The following TGFBR3 variants were observed in gnomAD, a reference collection of about 807,000 sequenced individuals.
TGFBR3 encodes the protein transforming growth factor beta receptor 3.
TGFBR3 carries 46 observed loss-of-function variants against 87.9 expected under a neutral mutation model. That is an observed-to-expected ratio of 0.52 (90% CI 0.41 to 0.67). The LOEUF is 0.67. TGFBR3 is among the 30% of genes least tolerant of loss of function. The probability of loss-of-function intolerance (pLI) is 0.00; values close to 1 mark genes in which losing one functional copy is unlikely to be tolerated. For missense variants in TGFBR3, 866 were observed against 1,041.9 expected, an observed-to-expected ratio of 0.83 and a Z score of 2.32; for synonymous variants, 381 against 391.6, an observed-to-expected ratio of 0.97 and a Z score of 0.32.
chr1:91,855,462 CAT>C (rs1457694185), intron 2 of TGFBR3, among the ~76,000 whole-genome samples: 2 of 152,244 alleles, frequency 1.3e-5, no homozygotes, highest in African/African-American at 2.4e-5. Context: ...CTCCTGGAAA[CAT>C]AGCCCTGCCT....
At chr1:91,852,611 G>A (rs1677781821) in intron 2 of TGFBR3, among the ~76,000 whole-genome samples, 1 of 152,090 alleles carries the variant, frequency 6.6e-6, no homozygotes, top group African/African-American at 2.4e-5. Flanking sequence ...TTGTTGCCCA[G>A]GCTGGAGTGC....
At chr1:91,834,083 C>T (rs1455561479) in intron 2 of TGFBR3, among the ~76,000 whole-genome samples, 1 of 152,170 alleles carries the variant, frequency 6.6e-6, no homozygotes, top group Non-Finnish European at 1.5e-5. Context: ...ATTTTCACTA[C>T]ATTTTTTTCC....
chr1:91,736,016 C>G (rs1403644517), intron 4 of TGFBR3, among the ~76,000 whole-genome samples: 1 of 152,190 alleles, frequency 6.6e-6, no homozygotes, highest in African/African-American at 2.4e-5. Context: ...ATTAGTGGTT[C>G]TATCACAGCA....
At chr1:91,699,628 C>T (rs1184373163) in intron 14 of TGFBR3, among the ~76,000 whole-genome samples, 1 of 152,108 alleles carries the variant, frequency 6.6e-6, no homozygotes, top group Admixed American at 6.5e-5. Context: ...CGTTCATATG[C>T]AGTTTGCACC....
At chr1:91,713,776 ACTT>A (rs1341748960) in intron 12 of TGFBR3, among the ~76,000 whole-genome samples, 1 of 152,132 alleles carries the variant, frequency 6.6e-6, no homozygotes, top group Admixed American at 6.5e-5. Flanking sequence ...TTTTTGCAAT[ACTT>A]CTGAAAAACA....
intron 2 of TGFBR3, among the ~76,000 whole-genome samples, chr1:91,800,329 T>A (rs1315225602): frequency 1.0e-5 from 1 of 99,582 alleles, no homozygotes; most frequent in African/African-American, 4.6e-5. Flanking sequence ...TATATGTGTA[T>A]ATGTGTGTGT....
intron 3 of TGFBR3, among the ~76,000 whole-genome samples, chr1:91,779,131 T>TA (rs1305711106): frequency 1.3e-5 from 2 of 152,162 alleles, no homozygotes; most frequent in African/African-American, 2.4e-5. Flanking sequence ...CATTGAAATG[T>TA]AAAAAACCAT....
intron 1 of TGFBR3, among the ~76,000 whole-genome samples, chr1:91,884,987 C>T (rs186077948): frequency 5.4e-4 from 82 of 152,374 alleles, no homozygotes; most frequent in African/African-American, 1.9e-3. Flanking sequence ...GCAGGGCTAG[C>T]GGCAAGCAGC....
At position 91,823,051 on chromosome 1, in the gene TGFBR3, G is replaced by A. The variant is rs145511730; in HGVS notation, c.62-25580C>T. On this transcript the variant is annotated intron_variant, in intron 2 of 16. Coordinates refer to ENST00000212355, the MANE Select transcript of TGFBR3 (RefSeq NM_003243.5). ...GTCCTGGGGATACAGAAATAATAAC[G>A]CATTTTCCTTCTTCAAGGAGCTCAC... 7.4e-3 allele frequency among the ~76,000 whole-genome samples: 1,134 copies of A among 152,234 alleles called. 16 individuals are homozygous for A. The highest frequency in any genetic ancestry group is 0.026 in the African/African-American group (1,067 of 41,530).
intron 2 of TGFBR3, among the ~76,000 whole-genome samples, chr1:91,800,360 A>G (rs1675572819): frequency 7.3e-6 from 1 of 137,930 alleles, no homozygotes; most frequent in Non-Finnish European, 1.5e-5. Flanking sequence ...GTGTGTATAT[A>G]AAAGCAGTTG....
chr1:91,721,145 T>C (rs1672354655), intron 8 of TGFBR3, among the ~76,000 whole-genome samples: 2 of 152,180 alleles, frequency 1.3e-5, no homozygotes, highest in African/African-American at 4.8e-5. Context: ...GGACATTATC[T>C]CTCCTTTAAT....
intron 12 of TGFBR3, among the ~76,000 whole-genome samples, chr1:91,715,056 GCTTCTC>G (rs1672116027): frequency 6.6e-6 from 1 of 152,164 alleles, no homozygotes; most frequent in African/African-American, 2.4e-5. Context: ...GACCCTTTAA[GCTTCTC>G]ACCCCTCCCA....
At chr1:91,715,351 A>G (rs1672128757) in intron 12 of TGFBR3, among the ~76,000 whole-genome samples, 1 of 152,188 alleles carries the variant, frequency 6.6e-6, no homozygotes, top group South Asian at 2.1e-4. Context: ...TCCAGCGAAG[A>G]TCAGTCAGAG....
Position 91,767,034 on chromosome 1 carries a change from AG to A in TGFBR3, c.247-8285del, listed in dbSNP as rs1008957771. Among the ~76,000 whole-genome samples the A allele has an allele frequency of 6.0e-5, 8 of 134,328 alleles. 2 individuals are homozygous for A. The highest frequency in any genetic ancestry group is 2.2e-4 in the African/African-American group (8 of 35,870). 88.1% of individuals were successfully genotyped at this position (134,328 alleles called of 152,430 possible). A position where few individuals can be genotyped will look rare whatever the true frequency, so the allele number is the denominator to read the frequency against. On this transcript the variant is annotated intron_variant, in intron 3 of 16. Transcript: ENST00000212355. ...GATTTGAGTTTTCCCCCAGTTCAGC[AG>A]CTGTACAATTAAACCTCTGTCTCTG...
At chr1:91,781,742 G>T (rs1160278459) in intron 3 of TGFBR3, among the ~76,000 whole-genome samples, 1 of 152,032 alleles carries the variant, frequency 6.6e-6, no homozygotes, top group Non-Finnish European at 1.5e-5. Flanking sequence ...GCAAGTCAAG[G>T]GCCCATATCA....
chr1:91,749,017 T>A (rs1673442602), intron 4 of TGFBR3, among the ~76,000 whole-genome samples: 2 of 152,102 alleles, frequency 1.3e-5, no homozygotes, highest in African/African-American at 4.8e-5. Flanking sequence ...CATTGGGCCA[T>A]GAGATTTGTC....
chr1:91,867,481 C>T (rs560222475), intron 1 of TGFBR3, among the ~76,000 whole-genome samples: 10 of 152,230 alleles, frequency 6.6e-5, no homozygotes, highest in East Asian at 3.9e-4. Flanking sequence ...AACTTCAGTC[C>T]GTCCTTAAGA....
chr1:91,708,239 T>C (rs284877), intron 14 of TGFBR3, among the ~76,000 whole-genome samples: 111,927 of 152,200 alleles, frequency 0.74, 41,334 homozygotes, highest in African/African-American at 0.78. Flanking sequence ...TCAAAGGCAT[T>C]TGCAATTTTG....
intron 2 of TGFBR3, among the ~76,000 whole-genome samples, chr1:91,844,252 C>T (rs17880803): frequency 1.4e-4 from 21 of 152,212 alleles, no homozygotes; most frequent in Admixed American, 4.6e-4. Flanking sequence ...TAGTTACACA[C>T]CCCTGAGCTC....
Sources: gnomAD v4.1 joint callset for allele counts (sites outside exome capture counted in the v4.1 genomes callset) on GRCh38, gnomAD v4.1.1 for gene constraint, MANE v1.5 for transcripts, NCBI Gene and HGNC (gene_info 2026-07-23, HGNC 2026-07-21) for gene names.